PCSK6: variants seen among roughly 807,000 people sequenced by gnomAD.
PCSK6 encodes the protein paired basic amino acid cleaving enzyme 4.
Under a neutral mutation model 123.3 loss-of-function variants are expected in PCSK6, and 85 were observed. The ratio of observed to expected loss-of-function variants is 0.69; its 90% CI spans 0.58 to 0.83. The LOEUF (loss-of-function observed/expected upper bound fraction) is 0.83, where lower values mean the gene tolerates loss of function less well. Among genes scored for constraint, PCSK6 ranks in the 40% least tolerant of loss-of-function variants. The pLI, the probability that PCSK6 is intolerant of heterozygous loss-of-function variation, is 0.00. For synonymous variants in PCSK6, 508 were observed against 516.0 expected, an observed-to-expected ratio of 0.98 and a Z score of 0.21; for missense variants, 1,191 against 1,282.3, an observed-to-expected ratio of 0.93 and a Z score of 1.09.
At chr15:101,394,630 C>T (rs1013125670) in intron 7 of PCSK6, among the ~76,000 whole-genome samples, 19 of 152,206 alleles carry the variant, frequency 1.2e-4, no homozygotes, top group African/African-American at 3.6e-4. Context: ...GCTCAACAAT[C>T]GGCCAATTTA....
intron 16 of PCSK6, among the ~76,000 whole-genome samples, chr15:101,325,738 G>A (rs2040237984): frequency 6.6e-6 from 1 of 152,222 alleles, no homozygotes; most frequent in Non-Finnish European, 1.5e-5. Flanking sequence ...AGGAGCTGGA[G>A]CAGCTCCGTG....
intron 13 of PCSK6, among the ~76,000 whole-genome samples, chr15:101,349,184 C>CG (rs1195188236): frequency 6.6e-6 from 1 of 152,080 alleles, no homozygotes; most frequent in Admixed American, 6.5e-5. Context: ...GGCTCTGCCC[C>CG]GGGGGCCTGC....
intron 13 of PCSK6, among the ~76,000 whole-genome samples, chr15:101,357,918 C>A (rs2041093458): frequency 1.3e-5 from 2 of 152,230 alleles, no homozygotes; most frequent in Non-Finnish European, 2.9e-5. Context: ...CCAGAGCATC[C>A]TCCCAGAGGC....
intron 13 of PCSK6, among the ~76,000 whole-genome samples, chr15:101,340,700 T>C (rs1405639100): frequency 1.3e-5 from 2 of 152,126 alleles, no homozygotes; most frequent in East Asian, 3.9e-4. Flanking sequence ...CAGTGATGTC[T>C]CACCTAGGAA....
chr15:101,381,226 T>C (rs975825642), intron 11 of PCSK6, among the ~76,000 whole-genome samples: 5 of 151,988 alleles, frequency 3.3e-5, no homozygotes, highest in Non-Finnish European at 7.4e-5. Context: ...TAGCTGGGCA[T>C]GGTGGTGGGT....
intron 6 of PCSK6, among the ~76,000 whole-genome samples, chr15:101,409,758 G>C (rs1596305678): frequency 6.6e-6 from 1 of 152,142 alleles, no homozygotes; most frequent in East Asian, 1.9e-4. Context: ...CACCTCCCCT[G>C]CATATTGCAA....
intron 8 of PCSK6, 58 bp downstream of exon 8, chr15:101,393,154 C>A: frequency 7.6e-7 from 1 of 1,315,410 alleles, no homozygotes; most frequent in Non-Finnish European, 1.1e-6. Flanking sequence ...AGAAGAAACT[C>A]ATTCCCAGAG....
At chr15:101,487,420 C>CA (rs1402615212) in intron 1 of PCSK6, among the ~76,000 whole-genome samples, 1 of 152,194 alleles carries the variant, frequency 6.6e-6, no homozygotes, top group Non-Finnish European at 1.5e-5. Flanking sequence ...CTCCCATCCG[C>CA]AAAACCAGGA....
chr15:101,454,948 AAATGAATGAATGAATG>A (rs141326869), intron 1 of PCSK6, among the ~76,000 whole-genome samples: 20 of 147,694 alleles, frequency 1.4e-4, no homozygotes, highest in African/African-American at 4.1e-4. Context: ...CCATCTCAAA[AAATGAATGAATGAATG>A]AATGAATGAA....
In PCSK6 at chr15:101,370,529, G is replaced by C. The variant is rs56087436; in HGVS notation, c.1533-6C>G. 1.8e-3 allele frequency: 2,580 copies of C among 1,463,894 alleles called. 40 individuals are homozygous for C. In the African/African-American group the frequency reaches 0.031, roughly 18 times the overall value. The allele number at this position is 1,463,894 out of a possible 1,614,324, so 90.7% of individuals were successfully genotyped here. A position where few individuals can be genotyped will look rare whatever the true frequency, so the allele number is the denominator to read the frequency against. On this transcript the variant is annotated splice_region_variant and splice_polypyrimidine_tract_variant and intron_variant, in intron 11 of 21. Coordinates refer to ENST00000611716, the MANE Select transcript of PCSK6 (RefSeq NM_002570.5). Reference sequence around the variant, plus strand: ...CCTGCACTAAGGGGATGCTCCTGGGGGAGAAGGGAGGGCTCAGCACTTGGC... The same window carrying C: ...CCTGCACTAAGGGGATGCTCCTGGGCGAGAAGGGAGGGCTCAGCACTTGGC...
chr15:101,327,547 G>A (rs1248368575), intron 15 of PCSK6, among the ~76,000 whole-genome samples: 1 of 152,176 alleles, frequency 6.6e-6, no homozygotes, highest in Non-Finnish European at 1.5e-5. Flanking sequence ...TGAGTTACTG[G>A]AAGAAAAACC....
rs2039675980 is a variant in PCSK6, at chr15:101,304,224, A to G, written c.*1034T>C. ...AAAATAATTAACATCGGTAAAAATT[A>G]GAACATGTAGCTTATAAAATGCCTA... On this transcript the variant is annotated 3_prime_UTR_variant, in exon 22 of 22. Transcript: ENST00000611716. 1 of 152,622 alleles carries G rather than the reference A, an allele frequency of 6.6e-6. No homozygotes were observed. The highest frequency in any genetic ancestry group is 2.4e-5 in the African/African-American group (1 of 41,476). The allele number at this position is 152,622 out of a possible 1,614,324, so 9.5% of individuals were successfully genotyped here.
intron 20 of PCSK6, among the ~76,000 whole-genome samples, chr15:101,309,706 G>A (rs1196169911): frequency 6.6e-6 from 1 of 152,248 alleles, no homozygotes; most frequent in African/African-American, 2.4e-5. Context: ...CTGGGGGCAA[G>A]TGGAGGCAGG....
At chr15:101,390,388 T>G (rs1214467547) in intron 8 of PCSK6, among the ~76,000 whole-genome samples, 1 of 54,736 alleles carries the variant, frequency 1.8e-5, no homozygotes, top group Non-Finnish European at 3.6e-5. Flanking sequence ...GTTATTCCAA[T>G]GAGCTTTGCA....
chr15:101,456,802 C>G (rs1448263636), intron 1 of PCSK6, among the ~76,000 whole-genome samples: 3 of 152,116 alleles, frequency 2.0e-5, no homozygotes, highest in African/African-American at 7.2e-5. Context: ...AGGTGAGGGT[C>G]AAAGGGAGGC....
chr15:101,393,095 G>A, intron 8 of PCSK6, 117 bp downstream of exon 8: 2 of 878,274 alleles, frequency 2.3e-6, no homozygotes, highest in East Asian at 2.6e-5. Context: ...TGGGACCCTG[G>A]GATCCGGAAC....
At chr15:101,453,468 C>A (rs567409112) in intron 1 of PCSK6, among the ~76,000 whole-genome samples, 1 of 152,358 alleles carries the variant, frequency 6.6e-6, no homozygotes, top group African/African-American at 2.4e-5. Context: ...CCGATGCCCA[C>A]AGGGCCCAGC....
intron 1 of PCSK6, among the ~76,000 whole-genome samples, chr15:101,457,525 C>T (rs2057219739): frequency 6.6e-6 from 1 of 152,216 alleles, no homozygotes; most frequent in Non-Finnish European, 1.5e-5. Flanking sequence ...GATGCAGCTC[C>T]CTTTGTGGGG....
intron 15 of PCSK6, among the ~76,000 whole-genome samples, chr15:101,328,814 T>C (rs1428447012): frequency 1.3e-5 from 2 of 152,186 alleles, no homozygotes; most frequent in Non-Finnish European, 2.9e-5. Context: ...CTCCCCAGTA[T>C]GGCTGTCCAC....
Sources: gnomAD v4.1 joint callset for allele counts (sites outside exome capture counted in the v4.1 genomes callset) on GRCh38, gnomAD v4.1.1 for gene constraint, MANE v1.5 for transcripts, NCBI Gene and HGNC (gene_info 2026-07-23, HGNC 2026-07-21) for gene names.